PSMD1: variants seen among roughly 807,000 people sequenced by gnomAD.
PSMD1 encodes the protein 26S proteasome non-ATPase regulatory subunit 1.
PSMD1 carries 18 observed loss-of-function variants against 119.0 expected under a neutral mutation model. The ratio of observed to expected loss-of-function variants is 0.15; its 90% confidence interval spans 0.10 to 0.22. PSMD1 has a LOEUF of 0.22. Ranked by LOEUF, PSMD1 falls within the 10% of genes least tolerant of loss-of-function variation. PSMD1 has a pLI of 1.00. For synonymous variants in PSMD1, 374 were observed against 396.6 expected (o/e 0.94, Z 0.68); for missense variants, 702 against 1,158.5 (o/e 0.61, Z 5.72).
chr2:231,062,444 A>G lies in PSMD1; in HGVS notation c.135-62A>G, dbSNP rs1693782692. On this transcript the variant is annotated intron_variant, in intron 3 of 24. Transcript: ENST00000308696. ...ACTGAATTGTGGCTTGAATATTTAG[A>G]TTTGGGATTTTTAGGGAAAACCACA... 4 of 1,553,428 alleles carry G rather than the reference A, an allele frequency of 2.6e-6. No homozygotes were observed. In the East Asian group the frequency reaches 9.0e-5, roughly 35 times the overall value.
At chr2:231,124,162 T>G in intron 16 of PSMD1, 1 of 194,292 alleles carries the variant, frequency 5.1e-6, no homozygotes, top group African/African-American at 2.4e-5. Flanking sequence ...TGCATTATTT[T>G]ATTCATTTCT....
intron 16 of PSMD1, chr2:231,109,041 T>C: frequency 6.2e-7 from 1 of 1,614,240 alleles, no homozygotes; most frequent in Non-Finnish European, 8.5e-7. Context: ...TTTTTCCCAA[T>C]TGTGGATGTT....
chr2:231,142,184 G>GC (rs1696139682), intron 17 of PSMD1, among the ~76,000 whole-genome samples: 1 of 152,022 alleles, frequency 6.6e-6, no homozygotes, highest in South Asian at 2.1e-4. Context: ...TGCCCGGCCA[G>GC]TTTTTTTATT....
chr2:231,084,371 T>A (rs1415377612), intron 14 of PSMD1, among the ~76,000 whole-genome samples: 1 of 151,938 alleles, frequency 6.6e-6, no homozygotes, highest in African/African-American at 2.4e-5. Flanking sequence ...TATATATATA[T>A]TTTTGGAATG....
intron 16 of PSMD1, among the ~76,000 whole-genome samples, chr2:231,138,475 C>T (rs80121410): frequency 0.044 from 6,664 of 152,302 alleles, 227 homozygotes; most frequent in Non-Finnish European, 0.066. Context: ...CAGAGAATAA[C>T]TGGAATCCAG....
intron 4 of PSMD1, among the ~76,000 whole-genome samples, chr2:231,065,492 G>C (rs1693886969): frequency 6.7e-6 from 1 of 150,186 alleles, no homozygotes. Flanking sequence ...GTAGAGACGG[G>C]GTTTCACCGT....
intron 17 of PSMD1, among the ~76,000 whole-genome samples, chr2:231,139,534 A>G (rs1024105806): frequency 1.3e-4 from 19 of 141,112 alleles, no homozygotes; most frequent in African/African-American, 3.8e-4. Flanking sequence ...GGCATGAGCC[A>G]CTGTGCCTGG....
chr2:231,112,406 G>C (rs1327660351), intron 16 of PSMD1, among the ~76,000 whole-genome samples: 1 of 151,952 alleles, frequency 6.6e-6, no homozygotes, highest in Non-Finnish European at 1.5e-5. Flanking sequence ...ACTTTTTCTT[G>C]ACCCTGTTTT....
intron 4 of PSMD1, among the ~76,000 whole-genome samples, chr2:231,064,698 C>G (rs903080863): frequency 1.3e-5 from 2 of 152,136 alleles, no homozygotes; most frequent in Non-Finnish European, 2.9e-5. Context: ...GGCAGTTTTT[C>G]TCTGTTGCCC....
chr2:231,150,651 G>A (rs1696356202), intron 18 of PSMD1, among the ~76,000 whole-genome samples: 1 of 152,050 alleles, frequency 6.6e-6, no homozygotes, highest in Admixed American at 6.6e-5. Flanking sequence ...AATATATAGA[G>A]CAGTACTACA....
At chr2:231,137,620 A>G (rs908263546) in intron 16 of PSMD1, among the ~76,000 whole-genome samples, 2 of 152,070 alleles carry the variant, frequency 1.3e-5, no homozygotes, top group Non-Finnish European at 2.9e-5. Context: ...GTGATGCTAA[A>G]GTTTGTGGGA....
At chr2:231,079,708 A>G in intron 11 of PSMD1, 94 bp downstream of exon 11, 1 of 762,808 alleles carries the variant, frequency 1.3e-6, no homozygotes, top group South Asian at 2.6e-5. Context: ...TTCATTAACA[A>G]GTACACTTTG....
intron 16 of PSMD1, among the ~76,000 whole-genome samples, chr2:231,136,755 C>G (rs2125245819): frequency 6.6e-6 from 1 of 151,910 alleles, no homozygotes; most frequent in South Asian, 2.1e-4. Context: ...CTTTCCTTAT[C>G]CTGATGCCTA....
At chr2:231,146,759 A>T (rs1384591652) in intron 18 of PSMD1, among the ~76,000 whole-genome samples, 1 of 152,222 alleles carries the variant, frequency 6.6e-6, no homozygotes, top group Non-Finnish European at 1.5e-5. Context: ...AGTAATTTTT[A>T]AAAAGCCTGC....
intron 16 of PSMD1, among the ~76,000 whole-genome samples, chr2:231,138,321 T>A (rs1276435176): frequency 6.6e-6 from 1 of 152,234 alleles, no homozygotes; most frequent in Non-Finnish European, 1.5e-5. Context: ...TTTAAATCTT[T>A]CATGTAACTT....
chr2:231,074,075 T>G (rs1279593829), intron 7 of PSMD1, among the ~76,000 whole-genome samples: 1 of 152,112 alleles, frequency 6.6e-6, no homozygotes, highest in Non-Finnish European at 1.5e-5. Context: ...GAAAAAAATC[T>G]TTAATTTTTT....
intron 16 of PSMD1, among the ~76,000 whole-genome samples, chr2:231,111,030 C>G (rs1695140762): frequency 6.6e-6 from 1 of 152,202 alleles, no homozygotes. Context: ...ACTTTCTTCT[C>G]CATCTTGCTT....
intron 16 of PSMD1, chr2:231,113,856 G>C (rs760997249): frequency 4.3e-6 from 7 of 1,614,034 alleles, no homozygotes; most frequent in Non-Finnish European, 5.9e-6. Flanking sequence ...GATGCATGAT[G>C]GATGCGGTTG....
intron 16 of PSMD1, among the ~76,000 whole-genome samples, chr2:231,105,670 A>G (rs1436830489): frequency 6.6e-6 from 1 of 152,208 alleles, no homozygotes; most frequent in Non-Finnish European, 1.5e-5. Context: ...GGATCTTGCA[A>G]GATGAACAAC....
Sources: allele counts gnomAD v4.1 joint callset (sites outside exome capture counted in the v4.1 genomes callset), GRCh38; gene constraint gnomAD v4.1.1; transcripts MANE v1.5; gene names NCBI Gene and HGNC (gene_info 2026-07-23, HGNC 2026-07-21).